GALNT13: variants seen among roughly 807,000 people sequenced by gnomAD.
GALNT13 encodes UDP-GalNAc:polypeptide N-acetylgalactosaminyltransferase 13.
GALNT13 carries 28 observed loss-of-function variants against 64.2 expected under a neutral mutation model. The observed-to-expected ratio is 0.44, with a 90% CI of 0.32 to 0.60. GALNT13 has a LOEUF of 0.60. Ranked by LOEUF, GALNT13 falls within the 20% of genes least tolerant of loss-of-function variation. GALNT13 has a pLI of 0.05. For synonymous variants in GALNT13, 214 were observed against 224.6 expected, an observed-to-expected ratio of 0.95 and a Z score of 0.42; for missense variants, 577 against 669.8, an observed-to-expected ratio of 0.86 and a Z score of 1.53.
the GALNT13 span, among the ~76,000 whole-genome samples, chr2:153,714,957 A>T: frequency 6.6e-6 from 1 of 152,200 alleles, no homozygotes; most frequent in African/African-American, 2.4e-5. Flanking sequence ...TTCAAATGCT[A>T]CTTGGAAATT....
At chr2:153,780,218 T>G in the GALNT13 span, among the ~76,000 whole-genome samples, 10 of 2,672 alleles carry the variant, frequency 3.7e-3, no homozygotes, top group South Asian at 0.044. Context: ...TTTGAAGATA[T>G]ATATATATAT....
At chr2:154,028,949 A>C (rs1698160159) in intron 3 of GALNT13, among the ~76,000 whole-genome samples, 1 of 152,036 alleles carries the variant, frequency 6.6e-6, no homozygotes, top group African/African-American at 2.4e-5. Flanking sequence ...CTAACCTGAA[A>C]CTTAGGAGGA....
At chr2:153,813,273 TCC>T in the GALNT13 span, among the ~76,000 whole-genome samples, 52 of 152,280 alleles carry the variant, frequency 3.4e-4, no homozygotes, top group African/African-American at 1.2e-3. Context: ...TGTTTAGGAT[TCC>T]CTGGGAATGA....
chr2:154,099,356 AT>A (rs1162656851), intron 3 of GALNT13, among the ~76,000 whole-genome samples: 1 of 152,062 alleles, frequency 6.6e-6, no homozygotes, highest in Non-Finnish European at 1.5e-5. Flanking sequence ...ATTTTCTCCT[AT>A]TCTGTAGATT....
At chr2:153,255,449 G>A in the GALNT13 span, among the ~76,000 whole-genome samples, 1 of 145,126 alleles carries the variant, frequency 6.9e-6, no homozygotes, top group South Asian at 2.2e-4. Flanking sequence ...TCTTTTAATT[G>A]GAGCATTTAG....
chr2:153,281,759 A>T, the GALNT13 span, among the ~76,000 whole-genome samples: 1 of 150,576 alleles, frequency 6.6e-6, no homozygotes, highest in East Asian at 1.9e-4. Flanking sequence ...CTGAGAGTCT[A>T]CTGTTAGCCT....
At chr2:153,228,140 G>C in the GALNT13 span, among the ~76,000 whole-genome samples, 1 of 152,154 alleles carries the variant, frequency 6.6e-6, no homozygotes, top group South Asian at 2.1e-4. Flanking sequence ...CAGAAGTTAA[G>C]CATGCATGTG....
intron 9 of GALNT13, among the ~76,000 whole-genome samples, chr2:154,358,072 G>A (rs1047579273): frequency 2.0e-5 from 3 of 151,920 alleles, no homozygotes; most frequent in East Asian, 3.9e-4. Flanking sequence ...ATTTTTACAC[G>A]TTGCTTATGG....
chr2:153,788,669 G>A, the GALNT13 span, among the ~76,000 whole-genome samples: 4 of 152,098 alleles, frequency 2.6e-5, no homozygotes, highest in Admixed American at 2.0e-4. Context: ...GCTGGATAAA[G>A]AAGCAAGATC....
the GALNT13 span, among the ~76,000 whole-genome samples, chr2:153,818,148 C>A: frequency 6.6e-6 from 1 of 151,978 alleles, no homozygotes; most frequent in Non-Finnish European, 1.5e-5. Flanking sequence ...AGTGAGAGAC[C>A]CCAGAAGATC....
the GALNT13 span, among the ~76,000 whole-genome samples, chr2:153,727,855 C>T: frequency 6.6e-6 from 1 of 151,894 alleles, no homozygotes; most frequent in Admixed American, 6.6e-5. Flanking sequence ...GTTTTAAGCC[C>T]GTATGCATTA....
At chr2:153,925,498 C>G (rs1215608837) in intron 2 of GALNT13, among the ~76,000 whole-genome samples, 5 of 117,656 alleles carry the variant, frequency 4.2e-5, no homozygotes, top group Admixed American at 1.8e-4. Flanking sequence ...AAGCCTCGAG[C>G]TTTTTTTTTT....
the GALNT13 span, among the ~76,000 whole-genome samples, chr2:153,587,226 C>G: frequency 1.5e-5 from 1 of 65,212 alleles, no homozygotes; most frequent in African/African-American, 5.0e-5. Flanking sequence ...GACTGAGACT[C>G]TGTCTCAAAA....
At chr2:153,365,057 G>A in the GALNT13 span, among the ~76,000 whole-genome samples, 2 of 152,068 alleles carry the variant, frequency 1.3e-5, no homozygotes, top group South Asian at 2.1e-4. Flanking sequence ...TAGATCAATG[G>A]AACAGAACAG....
At chr2:153,409,013 T>C in the GALNT13 span, among the ~76,000 whole-genome samples, 1 of 152,140 alleles carries the variant, frequency 6.6e-6, no homozygotes, top group Admixed American at 6.6e-5. Context: ...CTGTGCTGGA[T>C]GTTTCCTGCC....
At chr2:153,649,082 A>G in the GALNT13 span, among the ~76,000 whole-genome samples, 1 of 152,132 alleles carries the variant, frequency 6.6e-6, no homozygotes, top group Non-Finnish European at 1.5e-5. Context: ...TTGGCTGTGA[A>G]TCTGTCTGGT....
At chr2:154,339,130 G>A (rs913118658) in intron 9 of GALNT13, among the ~76,000 whole-genome samples, 1 of 152,004 alleles carries the variant, frequency 6.6e-6, no homozygotes, top group Admixed American at 6.6e-5. Context: ...AATCAGATCC[G>A]CATCCTGCTC....
intron 9 of GALNT13, among the ~76,000 whole-genome samples, chr2:154,319,161 G>A (rs750288378): frequency 6.6e-6 from 1 of 152,074 alleles, no homozygotes; most frequent in South Asian, 2.1e-4. Context: ...AAAGTATGGG[G>A]AAATTAAGAA....
At chr2:153,945,823 T>C (rs1691696368) in intron 3 of GALNT13, among the ~76,000 whole-genome samples, 1 of 152,176 alleles carries the variant, frequency 6.6e-6, no homozygotes, top group Non-Finnish European at 1.5e-5. Context: ...AGAAATACTC[T>C]TGTTCATTTA....
Sources: allele counts gnomAD v4.1 joint callset (sites outside exome capture counted in the v4.1 genomes callset), GRCh38; gene constraint gnomAD v4.1.1; transcripts MANE v1.5; gene names NCBI Gene and HGNC (gene_info 2026-07-23, HGNC 2026-07-21).